Variants in UGT2B11 observed in about 807,000 individuals in gnomAD.
UGT2B11 encodes the protein UDP-glucuronosyltransferase 2B11.
A neutral mutation model predicts 51.7 loss-of-function variants in UGT2B11; 49 were observed. The ratio of observed to expected loss-of-function variants is 0.95; its 90% CI spans 0.75 to 1.20. UGT2B11 has a LOEUF of 1.20. UGT2B11 is among the 50% of genes most tolerant of loss of function. The pLI, the probability that UGT2B11 is intolerant of heterozygous loss-of-function variation, is 0.00. For synonymous variants in UGT2B11, 273 were observed against 209.0 expected (o/e 1.31, Z -2.64); for missense variants, 810 against 622.1 (o/e 1.30, Z -3.21).
At chr4:69,224,781 G>A in the UGT2B11 span, among the ~76,000 whole-genome samples, 1 of 150,776 alleles carries the variant, frequency 6.6e-6, no homozygotes, top group East Asian at 2.0e-4. Flanking sequence ...AGGCTTTATC[G>A]AGCAGAGTGA....
the UGT2B11 span, among the ~76,000 whole-genome samples, chr4:69,223,092 A>G: frequency 5.3e-5 from 8 of 152,320 alleles, no homozygotes; most frequent in Non-Finnish European, 1.2e-4. Context: ...CTTCCTGTTT[A>G]CAGAAAAGAT....
the UGT2B11 span, among the ~76,000 whole-genome samples, chr4:69,224,906 C>T: frequency 2.0e-5 from 3 of 152,176 alleles, no homozygotes; most frequent in South Asian, 6.2e-4. Context: ...AAGATGTTAC[C>T]AGAGCCAGAA....
intron 5 of UGT2B11, 177 bp downstream of exon 5, chr4:69,204,253 G>C (rs1364705756): frequency 4.9e-6 from 5 of 1,025,570 alleles, no homozygotes; most frequent in Non-Finnish European, 6.8e-6. Context: ...TAGATGTATG[G>C]GATTCAAACA....
intron 3 of UGT2B11, 135 bp from the exon 4 acceptor site, chr4:69,205,702 A>T: frequency 1.0e-6 from 1 of 998,434 alleles, no homozygotes; most frequent in African/African-American, 1.7e-5. Context: ...TGTAAAAAGA[A>T]TACTCACATT....
At chr4:69,220,034 G>A in the UGT2B11 span, among the ~76,000 whole-genome samples, 1 of 152,092 alleles carries the variant, frequency 6.6e-6, no homozygotes, top group Admixed American at 6.6e-5. Flanking sequence ...AAGCAAGTTA[G>A]TTACTTTCTA....
upstream of UGT2B11, among the ~76,000 whole-genome samples, chr4:69,218,824 A>T (rs1722338027): frequency 6.6e-6 from 1 of 152,152 alleles, no homozygotes; most frequent in Non-Finnish European, 1.5e-5. Context: ...GTCTCTGTAA[A>T]GGACCTATTC....
chr4:69,218,460 G>T (rs565768435), upstream of UGT2B11, among the ~76,000 whole-genome samples: 1,215 of 152,226 alleles, frequency 8.0e-3, 8 homozygotes, highest in Non-Finnish European at 0.013. Flanking sequence ...TATCACAAAT[G>T]TATCAATATG....
chr4:69,208,938 G>A (rs200354519), intron 2 of UGT2B11, among the ~76,000 whole-genome samples: 1 of 151,636 alleles, frequency 6.6e-6, no homozygotes, highest in Non-Finnish European at 1.5e-5. Flanking sequence ...GCCATTAGTG[G>A]TCTACTTCCC....
chr4:69,201,537 T>C (rs970093951), intron 5 of UGT2B11, among the ~76,000 whole-genome samples: 4 of 151,816 alleles, frequency 2.6e-5, no homozygotes, highest in African/African-American at 4.8e-5. Flanking sequence ...CACTGTCTTC[T>C]AGATTGGCCT....
the UGT2B11 span, among the ~76,000 whole-genome samples, chr4:69,220,427 C>A: frequency 2.0e-5 from 3 of 151,932 alleles, no homozygotes; most frequent in Non-Finnish European, 4.4e-5. Flanking sequence ...GGGTAGTGCT[C>A]TGGTGGTGAC....
intron 5 of UGT2B11, among the ~76,000 whole-genome samples, chr4:69,201,847 T>C (rs1721671805): frequency 6.6e-6 from 1 of 151,852 alleles, no homozygotes; most frequent in South Asian, 2.1e-4. Context: ...ATACATACAC[T>C]AAGTGAATAG....
At chr4:69,212,025 C>A (rs927950067) in intron 2 of UGT2B11, among the ~76,000 whole-genome samples, 1 of 151,490 alleles carries the variant, frequency 6.6e-6, no homozygotes, top group Non-Finnish European at 1.5e-5. Context: ...CCCCTTCATT[C>A]TTTTACCTAT....
chr4:69,209,247 G>A (rs28743034), intron 2 of UGT2B11, among the ~76,000 whole-genome samples: 99 of 151,430 alleles, frequency 6.5e-4, no homozygotes, highest in African/African-American at 2.2e-3. Context: ...TTTAGGTGGA[G>A]CACCTATTGC....
At chr4:69,206,457 A>G (rs1195383796) in intron 3 of UGT2B11, among the ~76,000 whole-genome samples, 1 of 151,534 alleles carries the variant, frequency 6.6e-6, no homozygotes, top group Non-Finnish European at 1.5e-5. Context: ...GCAACAACAT[A>G]CACTGAGATG....
At chr4:69,210,347 G>C (rs183086937) in intron 2 of UGT2B11, among the ~76,000 whole-genome samples, 385 of 151,366 alleles carry the variant, frequency 2.5e-3, no homozygotes, top group African/African-American at 8.5e-3. Flanking sequence ...TAATAACTAC[G>C]CATTTTTAAA....
At chr4:69,216,919 A>G (rs1018714312), upstream of UGT2B11, among the ~76,000 whole-genome samples, 31 of 152,028 alleles carry the variant, frequency 2.0e-4, no homozygotes, top group African/African-American at 7.5e-4. Flanking sequence ...ATCTATTCTT[A>G]TTTATCTTAA....
intron 1 of UGT2B11, among the ~76,000 whole-genome samples, chr4:69,213,787 G>A (rs1722160775): frequency 2.0e-5 from 3 of 151,774 alleles, no homozygotes; most frequent in African/African-American, 7.3e-5. Flanking sequence ...ATTTCCTGGG[G>A]TGTTCTGTTT....
chr4:69,210,168 C>A (rs1300849104), intron 2 of UGT2B11, among the ~76,000 whole-genome samples: 1 of 151,498 alleles, frequency 6.6e-6, no homozygotes, highest in East Asian at 1.9e-4. Context: ...TGTAATTGAA[C>A]ATTTCATTGA....
In UGT2B11 at chr4:69,212,559, A is replaced by T. The variant is rs111539577; in HGVS notation, c.870+14T>A. Reference sequence around the variant, plus strand: ...TCGAAGCCAACAAAATAAAACCAACAAAAGTATGTTTACCTTAGGTAGGGG... The same window carrying T: ...TCGAAGCCAACAAAATAAAACCAACTAAAGTATGTTTACCTTAGGTAGGGG... On this transcript the variant is annotated intron_variant, in intron 2 of 5. Transcript: ENST00000446444. 8.1e-6 allele frequency: 13 copies of T among 1,598,514 alleles called. No homozygotes were observed. Among genetic ancestry groups the T allele is most frequent in the Non-Finnish European group, 1.1e-5 (13 of 1,174,346 alleles).
Sources: gnomAD v4.1 joint callset for allele counts (sites outside exome capture counted in the v4.1 genomes callset) on GRCh38, gnomAD v4.1.1 for gene constraint, MANE v1.5 for transcripts, NCBI Gene and HGNC (gene_info 2026-07-23, HGNC 2026-07-21) for gene names.